The following SPATS1 variants were observed in gnomAD, a reference collection of about 807,000 sequenced individuals.
The protein encoded by SPATS1 is spermatogenesis associated serine rich 1.
A neutral mutation model predicts 33.6 loss-of-function variants in SPATS1; 23 were observed. The observed-to-expected ratio is 0.68, with a 90% CI of 0.49 to 0.97. The LOEUF (loss-of-function observed/expected upper bound fraction) is 0.97. Ranked by LOEUF, SPATS1 falls within the 50% of genes least tolerant of loss-of-function variation. The pLI is 0.00. For synonymous variants in SPATS1, 131 were observed against 125.6 expected (o/e 1.04, Z -0.29); for missense variants, 327 against 361.0 (o/e 0.91, Z 0.76).
At chr6:44,365,493 C>T (rs1302989783) in intron 5 of SPATS1, among the ~76,000 whole-genome samples, 1 of 152,210 alleles carries the variant, frequency 6.6e-6, no homozygotes, top group Non-Finnish European at 1.5e-5. Flanking sequence ...AGCAGCTCTC[C>T]AGGACAGCTC....
intron 3 of SPATS1, among the ~76,000 whole-genome samples, chr6:44,358,174 A>G (rs2153367161): frequency 6.6e-6 from 1 of 152,306 alleles, no homozygotes; most frequent in South Asian, 2.1e-4. Flanking sequence ...CAGGATTGTT[A>G]GTAGGGAGCA....
intron 5 of SPATS1, among the ~76,000 whole-genome samples, chr6:44,366,712 T>A (rs1789271898): frequency 6.6e-6 from 1 of 152,204 alleles, no homozygotes; most frequent in Non-Finnish European, 1.5e-5. Context: ...ATACCTCAGC[T>A]ATATAGCAAT....
chr6:44,362,158 C>T (rs551391864), intron 5 of SPATS1, among the ~76,000 whole-genome samples, 166 bp downstream of exon 5: 32 of 152,306 alleles, frequency 2.1e-4, no homozygotes, highest in Admixed American at 4.6e-4. Flanking sequence ...GCAGGCTGCA[C>T]GTTTTGGCAA....
chr6:44,379,756 T>G lies in SPATS1; in HGVS notation c.*2693T>G, dbSNP rs1472741970. Among the ~76,000 whole-genome samples the G allele has an allele frequency of 1.3e-5, 2 of 151,404 alleles. No individual in the cohort carries two copies. The highest frequency in any genetic ancestry group is 2.4e-5 in the African/African-American group (1 of 41,294). ...GTAGATATGATTTGATTCCTTTTTC[T>G]TTTAATCCAGGCCGCAAAAACCATG... On this transcript the variant is annotated 3_prime_UTR_variant, in exon 9 of 9. Transcript: ENST00000674044.
At chr6:44,348,580 A>C (rs1488041506) in intron 2 of SPATS1, among the ~76,000 whole-genome samples, 2 of 152,128 alleles carry the variant, frequency 1.3e-5, no homozygotes, top group Admixed American at 1.3e-4. Context: ...ACTGGATGTT[A>C]CCAGGTCTGT....
chr6:44,355,824 C>G (rs1788557542), intron 3 of SPATS1, among the ~76,000 whole-genome samples: 1 of 152,174 alleles, frequency 6.6e-6, no homozygotes, highest in South Asian at 2.1e-4. Flanking sequence ...TCACTAGCAG[C>G]AGTAGTGGGA....
chr6:44,342,905 C>G, intron 1 of SPATS1, 137 bp downstream of exon 1: 1 of 1,261,414 alleles, frequency 7.9e-7, no homozygotes, highest in Non-Finnish European at 1.1e-6. Flanking sequence ...GGCGGACTCG[C>G]TGGGGCTCCC....
At chr6:44,356,467 G>A (rs956455955) in intron 3 of SPATS1, among the ~76,000 whole-genome samples, 3 of 152,192 alleles carry the variant, frequency 2.0e-5, no homozygotes, top group Non-Finnish European at 4.4e-5. Flanking sequence ...AGGAAACTGA[G>A]TATAACCTAG....
chr6:44,360,481 C>T lies in SPATS1; in HGVS notation c.323C>T (p.Ser108Leu). ...GACTTGGATCGGAAACTCTCCTTCT[C>T]ACATTCTGATCACTCCTCTGAAATG... ...TADLDRKLSF[S>L]HSDHSSEMSL... Residue 108 changes from serine to leucine, a missense_variant, in exon 4 of 9, where the codon TCA becomes TTA. Physicochemically the swap from Ser to Leu is moderately radical, Grantham distance 145 (BLOSUM62 -2). Transcript: ENST00000674044. The T allele has an allele frequency of 6.2e-7, 1 of 1,614,172 alleles. No homozygotes were observed.
At chr6:44,346,408 T>TG (rs1358521093) in intron 2 of SPATS1, among the ~76,000 whole-genome samples, 1 of 152,164 alleles carries the variant, frequency 6.6e-6, no homozygotes, top group East Asian at 1.9e-4. Flanking sequence ...TATTCTGAGA[T>TG]GGGGTCTCAC....
Position 44,351,145 on chromosome 6 carries a change from GAAAA to G in SPATS1, c.140-1578_140-1575del, listed in dbSNP as rs1003345838. On this transcript the variant is annotated intron_variant, in intron 2 of 8. Transcript: ENST00000674044. ...GTCAAAAAAAAAAAAAAAAAAAAAA[GAAAA>G]AAGAAAAGAAAACAACAATATAACA... 5.8e-5 allele frequency among the ~76,000 whole-genome samples: 7 copies of G among 120,922 alleles called. No individual in the cohort carries two copies. In the East Asian group the frequency reaches 1.0e-3, roughly 17 times the overall value. The allele number at this position is 120,922 out of a possible 152,430, so 79.3% of individuals were successfully genotyped here. A position where few individuals can be genotyped will look rare whatever the true frequency, so the allele number is the denominator to read the frequency against.
At position 44,369,096 on chromosome 6, in the gene SPATS1, C is replaced by T. The variant is rs531158013; in HGVS notation, c.695+597C>T. ...TATTTTCAGTAGAGACGGGGTTTCA[C>T]CATGTTAGCCAGGATGGTCTTGATC... On this transcript the variant is annotated intron_variant, in intron 6 of 8. Transcript: ENST00000674044. 3.9e-5 allele frequency among the ~76,000 whole-genome samples: 6 copies of T among 152,086 alleles called. No individual in the cohort carries two copies. The South Asian group carries it at 1.2e-3, about 32-fold the overall frequency.
intron 8 of SPATS1, 102 bp from the exon 9 acceptor site, chr6:44,376,933 T>A: frequency 1.5e-6 from 2 of 1,354,740 alleles, no homozygotes; most frequent in Non-Finnish European, 2.1e-6. Context: ...GGTGGTCTCA[T>A]GGGCAGATGT....
At chr6:44,343,369 C>CTA in intron 2 of SPATS1, 135 bp downstream of exon 2, 1 of 999,830 alleles carries the variant, frequency 1.0e-6, no homozygotes, top group Non-Finnish European at 1.6e-6. Context: ...AAAAGAGCTG[C>CTA]TTGAATAGTA....
At chr6:44,376,500 G>T (rs766007932) in intron 8 of SPATS1, 27 bp downstream of exon 8, 9 of 1,532,946 alleles carry the variant, frequency 5.9e-6, no homozygotes, top group Non-Finnish European at 8.0e-6. Context: ...TCAAAGAATA[G>T]TGTAAAAACT....
intron 7 of SPATS1, among the ~76,000 whole-genome samples, chr6:44,370,833 A>G (rs1583094756): frequency 6.6e-6 from 1 of 152,156 alleles, no homozygotes; most frequent in Non-Finnish European, 1.5e-5. Flanking sequence ...AATAAACACT[A>G]TTCTAGAATA....
At chr6:44,376,771 A>G (rs1789986799) in intron 8 of SPATS1, among the ~76,000 whole-genome samples, 1 of 152,222 alleles carries the variant, frequency 6.6e-6, no homozygotes, top group African/African-American at 2.4e-5. Flanking sequence ...CTTGCACTCC[A>G]GCCTGGGCAA....
At chr6:44,348,529 C>T (rs1368057535) in intron 2 of SPATS1, among the ~76,000 whole-genome samples, 2 of 151,836 alleles carry the variant, frequency 1.3e-5, no homozygotes, top group Admixed American at 6.6e-5. Flanking sequence ...CACTATAATC[C>T]ATCAATTCTT....
At chr6:44,368,314 C>T in intron 5 of SPATS1, 65 bp from the exon 6 acceptor site, 2 of 1,543,934 alleles carry the variant, frequency 1.3e-6, no homozygotes, top group Admixed American at 1.8e-5. Flanking sequence ...CATGCCAATA[C>T]TTACAGCAAA....
Sources: allele counts gnomAD v4.1 joint callset (sites outside exome capture counted in the v4.1 genomes callset), GRCh38; gene constraint gnomAD v4.1.1; transcripts MANE v1.5; gene names NCBI Gene and HGNC (gene_info 2026-07-23, HGNC 2026-07-21).